Variants in SPON1 observed in about 807,000 individuals in gnomAD.
The protein encoded by SPON1 is spondin 1, also known as spondin-1.
In SPON1, 52 loss-of-function variants were observed where a neutral mutation model predicts 111.7. The observed-to-expected ratio is 0.47, with a 90% CI of 0.37 to 0.59. The LOEUF (loss-of-function observed/expected upper bound fraction) is 0.59, where lower values mean the gene tolerates loss of function less well. SPON1 is among the 20% of genes least tolerant of loss of function. SPON1 has a pLI of 0.00. For missense variants in SPON1, 957 were observed against 1,068.5 expected (o/e 0.90, Z 1.46); for synonymous variants, 410 against 395.8 (o/e 1.04, Z -0.43).
intron 5 of SPON1, among the ~76,000 whole-genome samples, chr11:14,100,386 CT>C (rs1277181830): frequency 2.7e-5 from 4 of 147,462 alleles, no homozygotes; most frequent in African/African-American, 5.0e-5. Context: ...TTTCTCATTT[CT>C]TTTTTTTTAG....
Position 14,208,693 on chromosome 11 carries a change from A to G in SPON1, c.826-34639A>G, listed in dbSNP as rs575701439. Among the ~76,000 whole-genome samples, 3 of 152,296 alleles carry G rather than the reference A, an allele frequency of 2.0e-5. No individual in the cohort carries two copies. The South Asian group carries it at 6.2e-4, about 32-fold the overall frequency. On this transcript the variant is annotated intron_variant, in intron 6 of 15. Coordinates refer to ENST00000576479, the MANE Select transcript of SPON1 (RefSeq NM_006108.4). ...AGCATATTTGGCACATGTTTAATAAATGGTTTTTACATTGATCATATCATT... is the reference window on the plus strand; with the variant it reads ...AGCATATTTGGCACATGTTTAATAAGTGGTTTTTACATTGATCATATCATT...
intron 5 of SPON1, among the ~76,000 whole-genome samples, chr11:14,083,436 A>C (rs1848980120): frequency 6.6e-6 from 1 of 152,224 alleles, no homozygotes; most frequent in Admixed American, 6.5e-5. Flanking sequence ...CCTACACCAG[A>C]ACTCTGCAAA....
chr11:14,035,824 C>T (rs1484015319), intron 2 of SPON1, among the ~76,000 whole-genome samples: 3 of 152,044 alleles, frequency 2.0e-5, no homozygotes, highest in African/African-American at 7.3e-5. Context: ...CACTACGTTA[C>T]CCAGGCTGAT....
chr11:14,237,134 C>A (rs1472853558), intron 6 of SPON1, among the ~76,000 whole-genome samples: 2 of 152,220 alleles, frequency 1.3e-5, no homozygotes, highest in Admixed American at 1.3e-4. Context: ...CATAAAATGG[C>A]TCATTTCTTG....
chr11:14,118,596 A>T (rs1000918820), intron 5 of SPON1, among the ~76,000 whole-genome samples: 1 of 152,316 alleles, frequency 6.6e-6, no homozygotes, highest in Middle Eastern at 3.4e-3. Flanking sequence ...GGCTGAGTCC[A>T]AAGAAGGCTG....
chr11:14,129,935 AACTC>A (rs138224383), intron 5 of SPON1, among the ~76,000 whole-genome samples: 3,294 of 152,208 alleles, frequency 0.022, 120 homozygotes, highest in African/African-American at 0.075. Flanking sequence ...ATCTCATGAG[AACTC>A]ACTCACTATC....
intron 2 of SPON1, among the ~76,000 whole-genome samples, chr11:14,011,708 G>A (rs1432489353): frequency 1.3e-5 from 2 of 152,138 alleles, no homozygotes; most frequent in African/African-American, 4.8e-5. Flanking sequence ...GAGTGAGGGA[G>A]GTTTGAGGAG....
At chr11:14,070,074 A>T (rs1174436581) in intron 3 of SPON1, among the ~76,000 whole-genome samples, 1 of 152,182 alleles carries the variant, frequency 6.6e-6, no homozygotes, top group Non-Finnish European at 1.5e-5. Context: ...AGCCCTTGGC[A>T]TCCTTGTGAA....
intron 6 of SPON1, among the ~76,000 whole-genome samples, chr11:14,237,337 T>C (rs1848879887): frequency 6.6e-6 from 1 of 152,204 alleles, no homozygotes; most frequent in African/African-American, 2.4e-5. Context: ...AGTGATCCTG[T>C]GCCTCAAAGC....
chr11:14,245,331 T>C (rs1470481196), intron 7 of SPON1, among the ~76,000 whole-genome samples: 3 of 152,248 alleles, frequency 2.0e-5, no homozygotes, highest in African/African-American at 2.4e-5. Context: ...GCCCTGCACA[T>C]GCAGTCCTAG....
intron 5 of SPON1, among the ~76,000 whole-genome samples, chr11:14,090,360 G>A (rs1256317797): frequency 6.6e-6 from 1 of 152,166 alleles, no homozygotes; most frequent in Non-Finnish European, 1.5e-5. Flanking sequence ...TATCTGGGCT[G>A]GATAGCACAG....
intron 5 of SPON1, among the ~76,000 whole-genome samples, chr11:14,105,591 C>A (rs1554924830): frequency 6.6e-6 from 1 of 152,156 alleles, no homozygotes; most frequent in East Asian, 1.9e-4. Flanking sequence ...CCACCCCACC[C>A]TGCACCCAGG....
intron 6 of SPON1, among the ~76,000 whole-genome samples, chr11:14,139,503 A>G (rs1407085042): frequency 6.6e-6 from 1 of 152,208 alleles, no homozygotes; most frequent in East Asian, 1.9e-4. Context: ...TTGGCATAGT[A>G]TTGGATGCTT....
intron 3 of SPON1, among the ~76,000 whole-genome samples, chr11:14,060,273 C>A (rs1328697181): frequency 2.0e-5 from 3 of 152,126 alleles, no homozygotes; most frequent in Non-Finnish European, 4.4e-5. Context: ...TGTACATTTT[C>A]TTTTGTGATG....
chr11:14,231,134 C>CTT, intron 6 of SPON1, among the ~76,000 whole-genome samples: 1 of 138,628 alleles, frequency 7.2e-6, no homozygotes, highest in East Asian at 2.1e-4. Context: ...TCTTTTTTTT[C>CTT]TTTTTTTTTT....
intron 3 of SPON1, among the ~76,000 whole-genome samples, chr11:14,055,641 C>G (rs1848739584): frequency 6.6e-6 from 1 of 152,224 alleles, no homozygotes; most frequent in African/African-American, 2.4e-5. Context: ...GGCCATCCAC[C>G]TGGGGCTAGG....
intron 3 of SPON1, among the ~76,000 whole-genome samples, chr11:14,052,548 G>A (rs1848715724): frequency 6.6e-6 from 1 of 152,216 alleles, no homozygotes; most frequent in Admixed American, 6.5e-5. Context: ...CAACAGAAAA[G>A]GGACTAGGAA....
At chr11:14,109,559 G>A (rs1473566448) in intron 5 of SPON1, among the ~76,000 whole-genome samples, 8 of 151,956 alleles carry the variant, frequency 5.3e-5, no homozygotes, top group Non-Finnish European at 1.0e-4. Context: ...GCACAGAGTG[G>A]CTTTACTAAT....
At chr11:14,099,033 A>T (rs1229185037) in intron 5 of SPON1, among the ~76,000 whole-genome samples, 1 of 152,170 alleles carries the variant, frequency 6.6e-6, no homozygotes, top group African/African-American at 2.4e-5. Flanking sequence ...CATAATTGAG[A>T]CTTTAAAAGA....
Sources: gnomAD v4.1 joint callset for allele counts (sites outside exome capture counted in the v4.1 genomes callset) on GRCh38, gnomAD v4.1.1 for gene constraint, MANE v1.5 for transcripts, NCBI Gene and HGNC (gene_info 2026-07-23, HGNC 2026-07-21) for gene names.